The following EDEM2 variants were observed in gnomAD, a reference collection of about 807,000 sequenced individuals.
EDEM2 encodes the protein ER degradation-enhancing alpha-mannosidase-like protein 2.
EDEM2 carries 39 observed loss-of-function variants against 64.8 expected under a neutral mutation model. The ratio of observed to expected loss-of-function variants is 0.60; its 90% CI spans 0.47 to 0.79. The LOEUF is 0.79. Ranked by LOEUF, EDEM2 falls within the 30% of genes least tolerant of loss-of-function variation. The pLI, the probability that EDEM2 is intolerant of heterozygous loss-of-function variation, is 0.00. For missense variants in EDEM2, 609 were observed against 731.3 expected, an observed-to-expected ratio of 0.83 and a Z score of 1.93; for synonymous variants, 296 against 291.5, an observed-to-expected ratio of 1.02 and a Z score of -0.16.
At chr20:35,132,074 G>A (rs915358103) in intron 6 of EDEM2, among the ~76,000 whole-genome samples, 3 of 152,238 alleles carry the variant, frequency 2.0e-5, no homozygotes, top group Non-Finnish European at 4.4e-5. Flanking sequence ...CCTAGAGTGA[G>A]TGTGAGATGG....
At chr20:35,139,750 G>A (rs990136522) in intron 4 of EDEM2, among the ~76,000 whole-genome samples, 26 of 151,834 alleles carry the variant, frequency 1.7e-4, no homozygotes, top group Non-Finnish European at 3.2e-4. Context: ...GATCTCGAAT[G>A]CAGCCAGAAT....
chr20:35,137,404 A>G (rs11907574), intron 5 of EDEM2, among the ~76,000 whole-genome samples: 20,794 of 152,116 alleles, frequency 0.14, 1,751 homozygotes, highest in African/African-American at 0.24. Flanking sequence ...GGGCGACAGA[A>G]CAAGACTCCA....
intron 7 of EDEM2, among the ~76,000 whole-genome samples, chr20:35,127,864 G>C (rs921434047): frequency 8.5e-5 from 13 of 152,152 alleles, no homozygotes; most frequent in African/African-American, 2.9e-4. Flanking sequence ...AATTATAATA[G>C]AGGTGAAAAA....
rs2085300278 is a variant in EDEM2 at position 35,115,732 on chromosome 20, T to C, written c.1438A>G (p.Ile480Val). 2 of 1,614,076 alleles carry C rather than the reference T, an allele frequency of 1.2e-6. No homozygotes were observed. Among genetic ancestry groups the C allele is most frequent in the Non-Finnish European group, 8.5e-7 (1 of 1,180,056 alleles). Residue 480 changes from isoleucine to valine, a missense_variant, in exon 11 of 11, where the codon ATC becomes GTC. Physicochemically the swap from Ile to Val is conservative, Grantham distance 29. Coordinates refer to ENST00000374492, the MANE Select transcript of EDEM2 (RefSeq NM_018217.3). ...GYIFNTEAHP[I>V]DPAALHCCQR... ...CAGCAGTGCAGGGCGGCAGGGTCGA[T>C]GGGGTGAGCTTCTGTGTTGAAGATG...
At chr20:35,120,468 C>T (rs904136290) in intron 9 of EDEM2, among the ~76,000 whole-genome samples, 1 of 152,110 alleles carries the variant, frequency 6.6e-6, no homozygotes, top group Non-Finnish European at 1.5e-5. Context: ...AATCTAATTG[C>T]TCATATTCTA....
At chr20:35,118,300 T>A (rs2085330731) in intron 10 of EDEM2, among the ~76,000 whole-genome samples, 1 of 152,152 alleles carries the variant, frequency 6.6e-6, no homozygotes, top group South Asian at 2.1e-4. Context: ...ACTCACCTTT[T>A]CAAAGTCACC....
At position 35,147,271 on chromosome 20, in the gene EDEM2, C is replaced by T; in HGVS notation, c.-13G>A. The T allele has an allele frequency of 6.6e-7, 1 of 1,515,882 alleles. No homozygotes were observed. The highest frequency in any genetic ancestry group is 8.9e-7 in the Non-Finnish European group (1 of 1,128,856). 93.9% of individuals were successfully genotyped at this position (1,515,882 alleles called of 1,614,324 possible). A position where few individuals can be genotyped will look rare whatever the true frequency, so the allele number is the denominator to read the frequency against. ...GCCGGAAAGGCATAGAGCTCGTGTC[C>T]TCTCAGCGCCCCCGCAGCAGCAGCA... On this transcript the variant is annotated 5_prime_UTR_variant, in exon 1 of 11. Coordinates refer to ENST00000374492, the MANE Select transcript of EDEM2 (RefSeq NM_018217.3).
At chr20:35,140,414 G>A (rs2085637119) in intron 4 of EDEM2, among the ~76,000 whole-genome samples, 1 of 152,154 alleles carries the variant, frequency 6.6e-6, no homozygotes, top group Admixed American at 6.5e-5. Context: ...AACCCAGGAG[G>A]TGGAGGTGAG....
In EDEM2 at chr20:35,124,388, C is replaced by T. The variant is rs557307017; in HGVS notation, c.970-354G>A. Reference sequence around the variant, plus strand: ...TAAGGCTCACTCCCACACCACACCCCCAAAAGATAACCATTTTTGTTTTTG... The same window carrying T: ...TAAGGCTCACTCCCACACCACACCCTCAAAAGATAACCATTTTTGTTTTTG... On this transcript the variant is annotated intron_variant, in intron 8 of 10. Transcript: ENST00000374492. Among the ~76,000 whole-genome samples the T allele has an allele frequency of 4.3e-4, 66 of 152,232 alleles. 1 individual carries two copies. The highest frequency in any genetic ancestry group is 1.6e-3 in the African/African-American group (66 of 41,528).
chr20:35,123,400 C>T (rs28637385), intron 9 of EDEM2, among the ~76,000 whole-genome samples: 1 of 152,138 alleles, frequency 6.6e-6, no homozygotes, highest in Admixed American at 6.6e-5. Context: ...CAAGACCAGC[C>T]TGACCAACAT....
chr20:35,133,400 G>C (rs184870707), intron 6 of EDEM2, among the ~76,000 whole-genome samples: 32 of 152,156 alleles, frequency 2.1e-4, no homozygotes, highest in Admixed American at 1.1e-3. Flanking sequence ...GTCTACTACG[G>C]TCCCACTGCT....
chr20:35,117,496 G>A (rs1016355211), intron 10 of EDEM2, among the ~76,000 whole-genome samples: 9 of 152,152 alleles, frequency 5.9e-5, no homozygotes, highest in East Asian at 3.9e-4. Context: ...GCATTCCTAG[G>A]AAGGCCCCAG....
intron 6 of EDEM2, chr20:35,134,064 G>C: frequency 2.2e-6 from 1 of 455,866 alleles, no homozygotes; most frequent in South Asian, 1.6e-5. Flanking sequence ...CTCAATTACT[G>C]TTAATCTTAT....
chr20:35,115,831 T>G lies in EDEM2; in HGVS notation c.1339A>C (p.Ile447Leu). 6.2e-7 allele frequency: 1 copy of G among 1,614,150 alleles called. No individual in the cohort carries two copies. The highest frequency in any genetic ancestry group is 8.5e-7 in the Non-Finnish European group (1 of 1,180,038). Reference protein sequence around the residue: ...LYLLFDPTNFIHNNGSTFDAV... With the variant: ...LYLLFDPTNFLHNNGSTFDAV... ...TCGAAGGTGGACCCATTGTTGTGGA[T>G]GAAGTTGGTTGGGTCAAACAGGAGG... The change falls in exon 11 of 11, where the codon ATC becomes CTC. Residue 447 changes from isoleucine to leucine, a missense_variant. Physicochemically the swap from Ile to Leu is conservative, Grantham distance 5. Transcript: ENST00000374492.
chr20:35,131,796 A>G lies in EDEM2; in HGVS notation c.703-13T>C. ...TGTGGTTGCCGACCTGAGAGAGAGA[A>G]AGACACACGGTCCCAACGGGAAGGC... On this transcript the variant is annotated splice_polypyrimidine_tract_variant and intron_variant, in intron 6 of 10. Transcript: ENST00000374492. 3.1e-6 allele frequency: 5 copies of G among 1,612,538 alleles called. No homozygotes were observed. The highest frequency in any genetic ancestry group is 3.4e-6 in the Non-Finnish European group (4 of 1,178,948).
intron 5 of EDEM2, 66 bp downstream of exon 5, chr20:35,137,814 C>A: frequency 6.3e-7 from 1 of 1,578,416 alleles, no homozygotes; most frequent in Admixed American, 1.9e-5. Context: ...CTGCCACTCT[C>A]ATCTTCAGCA....
At chr20:35,139,826 C>T (rs544348036) in intron 4 of EDEM2, among the ~76,000 whole-genome samples, 21 of 147,118 alleles carry the variant, frequency 1.4e-4, no homozygotes, top group Non-Finnish European at 2.1e-4. Context: ...ATTTTCTCTA[C>T]TTTTATGTTT....
intron 2 of EDEM2, 140 bp downstream of exon 2, chr20:35,146,685 G>C: frequency 1.1e-6 from 1 of 880,736 alleles, no homozygotes; most frequent in Admixed American, 2.7e-5. Context: ...AGTAAGAATT[G>C]CGGGGAGCGC....
rs2085750956 is a variant in EDEM2 at position 35,147,333 on chromosome 20, G to A, written c.-75C>T. ...CAGTTCATCCTGGGAGCTGCTGCGG[G>A]TTCTTCCGGGAATCCGCGCCACTGC... On this transcript the variant is annotated 5_prime_UTR_variant, in exon 1 of 11. Transcript: ENST00000374492. 17 of 1,367,728 alleles carry A rather than the reference G, an allele frequency of 1.2e-5. No individual in the cohort carries two copies. The South Asian group carries it at 2.3e-4, about 19-fold the overall frequency. The allele number at this position is 1,367,728 out of a possible 1,614,324, so 84.7% of individuals were successfully genotyped here. A position where few individuals can be genotyped will look rare whatever the true frequency, so the allele number is the denominator to read the frequency against.
Sources: gnomAD v4.1 joint callset for allele counts (sites outside exome capture counted in the v4.1 genomes callset) on GRCh38, gnomAD v4.1.1 for gene constraint, MANE v1.5 for transcripts, NCBI Gene and HGNC (gene_info 2026-07-23, HGNC 2026-07-21) for gene names.